Variants in MAP3K5 observed in about 807,000 individuals in gnomAD.
MAP3K5 encodes ASK-1.
Under a neutral mutation model 158.7 loss-of-function variants are expected in MAP3K5, and 56 were observed. The ratio of observed to expected loss-of-function variants is 0.35; its 90% CI spans 0.28 to 0.44. MAP3K5 has a LOEUF of 0.44. Among genes scored for constraint, MAP3K5 ranks in the 20% least tolerant of loss-of-function variants. The pLI, the probability that MAP3K5 is intolerant of heterozygous loss-of-function variation, is 1.00. For synonymous variants in MAP3K5, 579 were observed against 601.7 expected, an observed-to-expected ratio of 0.96 and a Z score of 0.55; for missense variants, 1,294 against 1,674.8, an observed-to-expected ratio of 0.77 and a Z score of 3.97.
At chr6:136,632,485 C>T (rs1562563815) in intron 14 of MAP3K5, among the ~76,000 whole-genome samples, 1 of 152,134 alleles carries the variant, frequency 6.6e-6, no homozygotes, top group Non-Finnish European at 1.5e-5. Context: ...CCACTGCTCT[C>T]CCACCTGGGT....
Position 136,703,666 on chromosome 6 carries a change from G to C in MAP3K5, c.612+1444C>G, listed in dbSNP as rs145800749. Among the ~76,000 whole-genome samples, 8 of 152,298 alleles carry C rather than the reference G, an allele frequency of 5.3e-5. No homozygotes were observed. In the East Asian group the frequency reaches 1.2e-3, roughly 22 times the overall value. On this transcript the variant is annotated intron_variant, in intron 3 of 29. Transcript: ENST00000359015. ...TGCATTGAAGCATGAAGCAATAATT[G>C]CTCATTTCCTGTTGAGATAGGAAGG...
At chr6:136,743,819 C>T (rs1391789060) in intron 1 of MAP3K5, among the ~76,000 whole-genome samples, 1 of 152,118 alleles carries the variant, frequency 6.6e-6, no homozygotes, top group East Asian at 1.9e-4. Flanking sequence ...GATAAATAAA[C>T]TGTGGTACAG....
At chr6:136,580,436 T>A in intron 24 of MAP3K5, 30 bp from the exon 25 acceptor site, 1 of 1,373,952 alleles carries the variant, frequency 7.3e-7, no homozygotes, top group Non-Finnish European at 1.0e-6. Flanking sequence ...TAGCCTACTT[T>A]AATTTTTAAT....
At chr6:136,742,128 G>A (rs1218429843) in intron 1 of MAP3K5, among the ~76,000 whole-genome samples, 1 of 152,140 alleles carries the variant, frequency 6.6e-6, no homozygotes, top group Non-Finnish European at 1.5e-5. Flanking sequence ...GTTATTTGGT[G>A]GATATTGACA....
intron 1 of MAP3K5, among the ~76,000 whole-genome samples, chr6:136,743,221 C>T (rs573717722): frequency 2.4e-4 from 36 of 152,300 alleles, no homozygotes; most frequent in African/African-American, 7.7e-4. Flanking sequence ...GAGGCCGAGG[C>T]GGGTAGATCA....
chr6:136,670,824 A>C (rs1029159629), intron 7 of MAP3K5, among the ~76,000 whole-genome samples: 1 of 152,206 alleles, frequency 6.6e-6, no homozygotes, highest in Non-Finnish European at 1.5e-5. Context: ...TCTGATAGTT[A>C]TGTACCTATG....
At chr6:136,641,990 C>CAAAAT (rs1248841307) in intron 12 of MAP3K5, among the ~76,000 whole-genome samples, 151 of 93,326 alleles carry the variant, frequency 1.6e-3, no homozygotes, top group Non-Finnish European at 2.2e-3. Context: ...CTCTGTCTCA[C>CAAAAT]AAAATAAAAT....
At chr6:136,618,063 A>G (rs1776644227) in intron 15 of MAP3K5, among the ~76,000 whole-genome samples, 1 of 152,172 alleles carries the variant, frequency 6.6e-6, no homozygotes, top group Non-Finnish European at 1.5e-5. Flanking sequence ...CCCTCTTACA[A>G]CCACTTTGAT....
At chr6:136,726,443 AT>A (rs1317825242) in intron 1 of MAP3K5, among the ~76,000 whole-genome samples, 1 of 152,198 alleles carries the variant, frequency 6.6e-6, no homozygotes, top group Non-Finnish European at 1.5e-5. Flanking sequence ...AAATACAAAA[AT>A]TAGCCAGGTA....
At chr6:136,664,000 C>T (rs979809752) in intron 8 of MAP3K5, among the ~76,000 whole-genome samples, 1 of 152,120 alleles carries the variant, frequency 6.6e-6, no homozygotes, top group Non-Finnish European at 1.5e-5. Flanking sequence ...GGTGCAGGGT[C>T]CTCAATCCCA....
In MAP3K5 at chr6:136,613,741, A is replaced by G. The variant is rs79160969; in HGVS notation, c.2278+418T>C. The stretch of plus-strand genomic sequence containing the variant: ...ATGGTGCCAAAGAAAAGATCCCCCG[A>G]GACCATTACCCCTCCTTATGGAACA... On this transcript the variant is annotated intron_variant, in intron 16 of 29. Coordinates refer to ENST00000359015, the MANE Select transcript of MAP3K5 (RefSeq NM_005923.4). This position sits in a 1 kb window ranked among gnomAD's most constrained non-coding sequence, Gnocchi z 4.0. Among the ~76,000 whole-genome samples the G allele has an allele frequency of 5.3e-3, 805 of 152,268 alleles. 3 individuals carry two copies. The highest frequency in any genetic ancestry group is 9.4e-3 in the Non-Finnish European group (639 of 68,000).
intron 10 of MAP3K5, among the ~76,000 whole-genome samples, chr6:136,654,292 C>T (rs1778647937): frequency 6.6e-6 from 1 of 152,188 alleles, no homozygotes; most frequent in South Asian, 2.1e-4. Context: ...CTCTTGTCTC[C>T]ACAATGGTGT....
At chr6:136,605,419 T>A (rs1214612951) in intron 18 of MAP3K5, 53 bp from the exon 19 acceptor site, 1 of 1,472,198 alleles carries the variant, frequency 6.8e-7, no homozygotes, top group Admixed American at 2.1e-5. Flanking sequence ...CAGAAGGGTA[T>A]CTAATGACAG....
intron 1 of MAP3K5, among the ~76,000 whole-genome samples, chr6:136,754,565 C>G (rs1328055461): frequency 1.4e-5 from 2 of 148,028 alleles, no homozygotes; most frequent in African/African-American, 2.5e-5. Context: ...GCCTGGGCAA[C>G]AGAGAGAGAC....
At chr6:136,573,105 G>T (rs1422112793) in intron 25 of MAP3K5, among the ~76,000 whole-genome samples, 3 of 152,184 alleles carry the variant, frequency 2.0e-5, no homozygotes, top group Admixed American at 1.3e-4. Context: ...AGGGGTGAGG[G>T]TGTTTCCAGA....
chr6:136,734,117 A>G (rs1394699642), intron 1 of MAP3K5, among the ~76,000 whole-genome samples: 2 of 152,176 alleles, frequency 1.3e-5, no homozygotes, highest in African/African-American at 4.8e-5. Flanking sequence ...CATGCTATAC[A>G]TTATAAATAG....
chr6:136,642,303 G>A (rs1221899807), intron 12 of MAP3K5, among the ~76,000 whole-genome samples: 2 of 152,058 alleles, frequency 1.3e-5, no homozygotes, highest in Non-Finnish European at 2.9e-5. Context: ...TTTTAAGTAG[G>A]TCAGGAGCAC....
intron 21 of MAP3K5, among the ~76,000 whole-genome samples, chr6:136,596,008 G>T (rs1266918100): frequency 3.9e-5 from 6 of 152,200 alleles, no homozygotes; most frequent in Admixed American, 1.3e-4. Context: ...ATCTAAAAAA[G>T]AAAAAAGCAA....
chr6:136,678,273 C>T (rs751556227), intron 7 of MAP3K5, among the ~76,000 whole-genome samples: 13 of 151,896 alleles, frequency 8.6e-5, no homozygotes, highest in Non-Finnish European at 1.9e-4. Context: ...ATTCTATATA[C>T]AACAGAAACA....
Sources: allele counts gnomAD v4.1 joint callset (sites outside exome capture counted in the v4.1 genomes callset), GRCh38; gene constraint gnomAD v4.1.1; non-coding constraint Gnocchi (gnomAD v3.1); transcripts MANE v1.5; gene names NCBI Gene and HGNC (gene_info 2026-07-23, HGNC 2026-07-21).